The following TMEM165 variants were observed in gnomAD, a reference collection of about 807,000 sequenced individuals.
TMEM165 encodes putative divalent cation/proton antiporter TMEM165.
A neutral mutation model predicts 30.0 loss-of-function variants in TMEM165; 19 were observed. The observed-to-expected ratio is 0.63, with a 90% CI of 0.44 to 0.93. The LOEUF (loss-of-function observed/expected upper bound fraction) is 0.93. Among genes scored for constraint, TMEM165 ranks in the 40% least tolerant of loss-of-function variants. The probability of loss-of-function intolerance (pLI) is 0.00; values close to 1 mark genes in which losing one functional copy is unlikely to be tolerated. For synonymous variants in TMEM165, 168 were observed against 162.9 expected, an observed-to-expected ratio of 1.03 and a Z score of -0.24; for missense variants, 340 against 417.0, an observed-to-expected ratio of 0.82 and a Z score of 1.61.
chr4:55,434,079 A>G (rs973415166), intron 3 of TMEM165: 1 of 152,612 alleles, frequency 6.6e-6, no homozygotes, highest in Non-Finnish European at 1.5e-5. Flanking sequence ...CTTCAGAGGA[A>G]CTTATTAGGA....
chr4:55,449,629 T>C (rs1724245725), intron 3 of TMEM165: 1 of 742,194 alleles, frequency 1.3e-6, no homozygotes, highest in Admixed American at 2.2e-5. Flanking sequence ...GAAAGTGAAG[T>C]CCATGACAGA....
At chr4:55,445,832 G>C (rs941378745) in intron 3 of TMEM165, among the ~76,000 whole-genome samples, 3 of 151,888 alleles carry the variant, frequency 2.0e-5, no homozygotes. Context: ...ATTGGCTCAA[G>C]AAGTCCTCCT....
At chr4:55,396,639 A>C (rs1023071694) in intron 1 of TMEM165, among the ~76,000 whole-genome samples, 2 of 152,196 alleles carry the variant, frequency 1.3e-5, no homozygotes, top group Non-Finnish European at 2.9e-5. Flanking sequence ...TGATCTCCGG[A>C]GGGCCAAGAT....
chr4:55,438,606 GTAAATACT>G, intron 3 of TMEM165: 1 of 1,607,964 alleles, frequency 6.2e-7, no homozygotes. Flanking sequence ...ACGCAGTGGA[GTAAATACT>G]TACCTAAGAT....
At chr4:55,412,795 A>G (rs1221365935) in intron 2 of TMEM165, 2 of 152,120 alleles carry the variant, frequency 1.3e-5, no homozygotes, top group Non-Finnish European at 2.9e-5. Flanking sequence ...TATGCATTTA[A>G]TATCATTGAA....
chr4:55,436,701 T>A (rs1290494048), intron 3 of TMEM165, among the ~76,000 whole-genome samples: 1 of 152,154 alleles, frequency 6.6e-6, no homozygotes, highest in Non-Finnish European at 1.5e-5. Context: ...CTCTTTGTTA[T>A]TAGGAAAAGC....
chr4:55,438,554 G>A lies in TMEM165; in HGVS notation c.409-13685G>A, dbSNP rs1172937295. The A allele has an allele frequency of 1.9e-6, 3 of 1,612,462 alleles. No individual in the cohort carries two copies. In the South Asian group the frequency reaches 3.3e-5, roughly 18 times the overall value. ...TGAGAAAATCTGTTAGAAGAAAGAAGGAAAAAAATTGGAGTCCAAAGTACA... is the reference window on the plus strand; with the variant it reads ...TGAGAAAATCTGTTAGAAGAAAGAAAGAAAAAAATTGGAGTCCAAAGTACA... On this transcript the variant is annotated intron_variant, in intron 3 of 3. Coordinates refer to the TMEM165 transcript ENST00000608091.
chr4:55,448,649 T>C (rs1181536922), intron 3 of TMEM165: 2 of 521,562 alleles, frequency 3.8e-6, no homozygotes, highest in East Asian at 4.2e-5. Flanking sequence ...TGTGTGCTCC[T>C]ACCTCAGCCT....
intron 1 of TMEM165, among the ~76,000 whole-genome samples, chr4:55,405,632 C>T (rs1187064533): frequency 6.6e-6 from 1 of 152,188 alleles, no homozygotes; most frequent in African/African-American, 2.4e-5. Context: ...CTTTGATTCC[C>T]CCCATCCCGC....
At chr4:55,442,765 G>A in intron 3 of TMEM165, 3 of 817,718 alleles carry the variant, frequency 3.7e-6, no homozygotes, top group Non-Finnish European at 6.0e-6. Context: ...TTACTCTGGG[G>A]GAAATATAAC....
downstream of TMEM165, chr4:55,426,209 A>C (rs533283703): frequency 9.1e-4 from 138 of 152,342 alleles, no homozygotes; most frequent in African/African-American, 3.2e-3. Flanking sequence ...TAAAATTATC[A>C]GTATTGATAG....
chr4:55,429,548 A>G (rs188713975), downstream of TMEM165: 43 of 152,362 alleles, frequency 2.8e-4, no homozygotes, highest in Non-Finnish European at 4.6e-4. Flanking sequence ...GTAGAAGTTT[A>G]CAGCCTGTAT....
At chr4:55,415,313 A>T (rs528667665) in intron 2 of TMEM165, 8 of 152,272 alleles carry the variant, frequency 5.3e-5, no homozygotes, top group African/African-American at 1.7e-4. Flanking sequence ...TGCTTAAATT[A>T]TCCGATGTTA....
exon 4 of TMEM165, chr4:55,452,979 T>C: frequency 9.9e-7 from 1 of 1,010,448 alleles, no homozygotes; most frequent in Non-Finnish European, 1.5e-6. Context: ...AAAATAGTTT[T>C]CCTATTAATT....
chr4:55,438,362 TCTGCTGCTG>T, intron 3 of TMEM165: 1 of 1,613,030 alleles, frequency 6.2e-7, no homozygotes, highest in Non-Finnish European at 8.5e-7. Context: ...TCCTGGGAGC[TCTGCTGCTG>T]CTGCTGCTGC....
chr4:55,400,289 TATATATAATATTATATATA>T (rs1440928826), intron 1 of TMEM165, among the ~76,000 whole-genome samples: 4 of 99,504 alleles, frequency 4.0e-5, no homozygotes, highest in Non-Finnish European at 7.2e-5. Flanking sequence ...TATTATATAT[TATATATAATATTATATATA>T]ATATTAATAC....
chr4:55,444,867 G>T, intron 3 of TMEM165: 1 of 1,398,000 alleles, frequency 7.2e-7, no homozygotes, highest in Non-Finnish European at 9.9e-7. Flanking sequence ...AAAGTAAGCA[G>T]TATAACATGA....
At chr4:55,424,965 G>A (rs942179494) in intron 5 of TMEM165, among the ~76,000 whole-genome samples, 4 of 152,222 alleles carry the variant, frequency 2.6e-5, no homozygotes, top group Non-Finnish European at 5.9e-5. Context: ...GAATCATGTG[G>A]AGACCATATG....
rs56157186 is a variant in TMEM165 at position 55,445,582 on chromosome 4, CTTTTTTTTTTTTTTTTTTT to C, written c.409-6649_409-6631del. On this transcript the variant is annotated intron_variant, in intron 3 of 3. Transcript: ENST00000608091. ...TCTCTGCATCTGCTATTTCTATATTCTTTTTTTTTTTTTTTTTTTTTTTTTTGAGACAGGATCTCACTCT... is the reference window on the plus strand; with the variant it reads ...TCTCTGCATCTGCTATTTCTATATTCTTTTTTTGAGACAGGATCTCACTCT... Among the ~76,000 whole-genome samples the C allele has an allele frequency of 4.4e-5, 3 of 68,574 alleles. 1 individual carries two copies. The Admixed American group carries it at 6.2e-4, about 14-fold the overall frequency. The allele number at this position is 68,574 out of a possible 152,430, so 45.0% of individuals were successfully genotyped here.
Sources: gnomAD v4.1 joint callset for allele counts (sites outside exome capture counted in the v4.1 genomes callset) on GRCh38, gnomAD v4.1.1 for gene constraint, MANE v1.5 for transcripts, NCBI Gene and HGNC (gene_info 2026-07-23, HGNC 2026-07-21) for gene names.